Variants in GRIK4 observed in about 807,000 individuals in gnomAD.
The protein encoded by GRIK4 is glutamate ionotropic receptor kainate type subunit 4.
GRIK4 carries 40 observed loss-of-function variants against 104.9 expected under a neutral mutation model. The observed-to-expected ratio is 0.38, with a 90% CI of 0.30 to 0.50. The LOEUF is 0.50. Ranked by LOEUF, GRIK4 falls within the 20% of genes least tolerant of loss-of-function variation. GRIK4 has a pLI of 0.93. For missense variants in GRIK4, 1,047 were observed against 1,308.1 expected, an observed-to-expected ratio of 0.80 and a Z score of 3.08; for synonymous variants, 485 against 524.9, an observed-to-expected ratio of 0.92 and a Z score of 1.04.
chr11:120,729,799 T>G (rs907307244), intron 3 of GRIK4, among the ~76,000 whole-genome samples: 1 of 152,236 alleles, frequency 6.6e-6, no homozygotes, highest in Non-Finnish European at 1.5e-5. Flanking sequence ...TTTCTGTGTT[T>G]GCCTGTGCTT....
At chr11:120,776,308 G>A (rs1952041741) in intron 3 of GRIK4, among the ~76,000 whole-genome samples, 1 of 152,224 alleles carries the variant, frequency 6.6e-6, no homozygotes, top group Non-Finnish European at 1.5e-5. Context: ...CCAGGAGCCG[G>A]AGGAAGGGCT....
intron 1 of GRIK4, among the ~76,000 whole-genome samples, chr11:120,611,711 A>C (rs1279729808): frequency 6.6e-6 from 1 of 151,868 alleles, no homozygotes; most frequent in African/African-American, 2.4e-5. Context: ...TTGTTGGTGG[A>C]GTTTGCTTGT....
chr11:120,520,668 T>TGGCCTGGCTGCCC (rs2136073471), intron 1 of GRIK4, among the ~76,000 whole-genome samples: 1 of 152,366 alleles, frequency 6.6e-6, no homozygotes, highest in African/African-American at 2.4e-5. Flanking sequence ...CCTGGCTGGC[T>TGGCCTGGCTGCCC]GGCTGGCCTG....
At chr11:120,865,989 G>T (rs570579512) in intron 9 of GRIK4, among the ~76,000 whole-genome samples, 1 of 152,092 alleles carries the variant, frequency 6.6e-6, no homozygotes, top group Non-Finnish European at 1.5e-5. Context: ...GGGAAGAGGT[G>T]CCAGGCTCTT....
chr11:120,715,451 C>G (rs1259626876), intron 3 of GRIK4, among the ~76,000 whole-genome samples: 2 of 152,154 alleles, frequency 1.3e-5, no homozygotes. Context: ...ATGAACCCCC[C>G]TAGAGGTTGT....
Position 120,822,211 on chromosome 11 carries a change from CAAAA to C in GRIK4, c.511+2312_511+2315del, listed in dbSNP as rs34732807. Among the ~76,000 whole-genome samples the C allele has an allele frequency of 7.2e-3, 517 of 71,668 alleles. 3 individuals are homozygous for C. The highest frequency in any genetic ancestry group is 0.022 in the African/African-American group (446 of 20,520). 47.0% of individuals were successfully genotyped at this position (71,668 alleles called of 152,430 possible). On this transcript the variant is annotated intron_variant, in intron 6 of 20. Transcript: ENST00000527524. ...GGGTGACAGGAGGGAAACCCTATCT[CAAAA>C]AAAAAAAAAAAAAAAAAAAAGACAG... is the stretch of plus-strand genomic sequence containing the variant.
At position 120,986,363 on chromosome 11, in the gene GRIK4, C is replaced by T; in HGVS notation, c.*103C>T. 7.6e-7 allele frequency: 1 copy of T among 1,318,464 alleles called. No individual in the cohort carries two copies. Among genetic ancestry groups the T allele is most frequent in the Non-Finnish European group, 9.8e-7 (1 of 1,017,464 alleles). The allele number at this position is 1,318,464 out of a possible 1,614,324, so 81.7% of individuals were successfully genotyped here. ...AGCCGGAACTTGTACAGCGTCGACACCTCTCCAGATTTCGGATCCAGTCAC... is the reference window on the plus strand; with the variant it reads ...AGCCGGAACTTGTACAGCGTCGACATCTCTCCAGATTTCGGATCCAGTCAC... On this transcript the variant is annotated 3_prime_UTR_variant, in exon 21 of 21. Transcript: ENST00000527524.
chr11:120,565,196 C>T (rs976219629), intron 1 of GRIK4, among the ~76,000 whole-genome samples: 4 of 152,352 alleles, frequency 2.6e-5, no homozygotes, highest in Non-Finnish European at 5.9e-5. Context: ...CTGTCCCGGC[C>T]GCCGCCACGC....
In GRIK4 at chr11:120,646,769, G is replaced by T. The variant is rs185696846; in HGVS notation, c.-158-6916G>T. Among the ~76,000 whole-genome samples, 5 of 152,280 alleles carry T rather than the reference G, an allele frequency of 3.3e-5. No individual in the cohort carries two copies. In the East Asian group the frequency reaches 7.7e-4, roughly 24 times the overall value. On this transcript the variant is annotated intron_variant, in intron 1 of 20. Coordinates refer to ENST00000527524, the MANE Select transcript of GRIK4 (RefSeq NM_014619.5). ...GATGGGGGATGAATTGGTAGGGCGC[G>T]TTGGAAGAAGAATGCTAGGAACTAA...
At chr11:120,861,089 T>C (rs1185153341) in intron 8 of GRIK4, among the ~76,000 whole-genome samples, 4 of 128,946 alleles carry the variant, frequency 3.1e-5, no homozygotes, top group Admixed American at 1.7e-4. Flanking sequence ...TCAGAAATCA[T>C]CCTCTTTTTT....
intron 13 of GRIK4, among the ~76,000 whole-genome samples, chr11:120,930,004 G>GGGT (rs780889413): frequency 8.2e-5 from 12 of 145,728 alleles, no homozygotes; most frequent in Non-Finnish European, 1.3e-4. Flanking sequence ...GCCACGTTTG[G>GGGT]GGGGGGGGTC....
rs143182466 is a variant in GRIK4 at position 120,936,251 on chromosome 11, G to A, written c.1477-4096G>A. 676 of 484,394 alleles carry A rather than the reference G, an allele frequency of 1.4e-3. 15 individuals are homozygous for A. Among genetic ancestry groups the A allele is most frequent in the South Asian group, 9.4e-3 (607 of 64,360 alleles). 30.0% of individuals were successfully genotyped at this position (484,394 alleles called of 1,614,324 possible). On this transcript the variant is annotated intron_variant, in intron 13 of 20. Coordinates refer to ENST00000527524, the MANE Select transcript of GRIK4 (RefSeq NM_014619.5). Reference sequence around the variant, plus strand: ...TTCATATGGCCGCTAGTCATCTGCCGCCGTGTTAGTCCACATCTTCCAGCT... The same window carrying A: ...TTCATATGGCCGCTAGTCATCTGCCACCGTGTTAGTCCACATCTTCCAGCT...
At chr11:120,803,464 G>GTCT (rs1249806913) in intron 4 of GRIK4, among the ~76,000 whole-genome samples, 35 of 152,126 alleles carry the variant, frequency 2.3e-4, no homozygotes, top group Non-Finnish European at 5.9e-5. Context: ...TTGAGACAGG[G>GTCT]TCTTGCTCTG....
In GRIK4 at chr11:120,940,398, G is replaced by A; in HGVS notation, c.1528G>A (p.Val510Met). 1 of 1,613,924 alleles carries A rather than the reference G, an allele frequency of 6.2e-7. No homozygotes were observed. The highest frequency in any genetic ancestry group is 8.5e-7 in the Non-Finnish European group (1 of 1,179,806). ...CACCATTACAGCTGAACGGGAGAAG[G>A]TGATTGATTTCTCTAAGCCATTCAT... The part of the protein sequence containing the change: ...GLTITAEREK[V>M]IDFSKPFMTL... The change falls in exon 14 of 21, where the codon GTG becomes ATG. Residue 510 changes from valine to methionine, a missense_variant. Transcript: ENST00000527524. This position sits in a 1 kb window ranked among gnomAD's most constrained non-coding sequence, Gnocchi z 4.3.
intron 13 of GRIK4, among the ~76,000 whole-genome samples, chr11:120,911,551 A>G (rs1213315448): frequency 6.8e-6 from 1 of 146,706 alleles, no homozygotes; most frequent in Non-Finnish European, 1.5e-5. Context: ...ATTCTCTTTA[A>G]AGATAATAGG....
At chr11:120,795,290 T>C (rs1234873647) in intron 3 of GRIK4, among the ~76,000 whole-genome samples, 1 of 152,150 alleles carries the variant, frequency 6.6e-6, no homozygotes, top group Non-Finnish European at 1.5e-5. Context: ...TCTGGGCTGC[T>C]GAGAATGTGT....
intron 1 of GRIK4, among the ~76,000 whole-genome samples, chr11:120,556,303 T>C (rs144227334): frequency 6.6e-6 from 1 of 152,216 alleles, no homozygotes; most frequent in Non-Finnish European, 1.5e-5. Context: ...CCCTCAAAAA[T>C]ACCCCAAATC....
intron 6 of GRIK4, among the ~76,000 whole-genome samples, chr11:120,830,696 G>A (rs116452328): frequency 4.6e-5 from 7 of 152,120 alleles, no homozygotes; most frequent in African/African-American, 7.2e-5. Flanking sequence ...TGGGATTGTC[G>A]TGAGGACTTA....
intron 3 of GRIK4, among the ~76,000 whole-genome samples, chr11:120,721,910 A>T (rs1347822228): frequency 2.0e-5 from 3 of 152,216 alleles, no homozygotes; most frequent in African/African-American, 7.2e-5. Flanking sequence ...CATCATTGAT[A>T]ACATTTATTG....
Sources: allele counts gnomAD v4.1 joint callset (sites outside exome capture counted in the v4.1 genomes callset), GRCh38; gene constraint gnomAD v4.1.1; non-coding constraint Gnocchi (gnomAD v3.1); transcripts MANE v1.5; gene names NCBI Gene and HGNC (gene_info 2026-07-23, HGNC 2026-07-21).